PGCKA1: variants seen among roughly 807,000 people sequenced by gnomAD.
The protein encoded by PGCKA1 is PDCD10 and GCKIII kinases-associated protein 1.
At chr4:37,525,068 G>A in the PGCKA1 span, among the ~76,000 whole-genome samples, 1 of 152,178 alleles carries the variant, frequency 6.6e-6, no homozygotes, top group Non-Finnish European at 1.5e-5. Flanking sequence ...TAGAGACAAA[G>A]CAGTTCTTTA....
At chr4:37,513,721 A>G in the PGCKA1 span, among the ~76,000 whole-genome samples, 1 of 152,230 alleles carries the variant, frequency 6.6e-6, no homozygotes, top group African/African-American at 2.4e-5. Context: ...GGTGATTGAG[A>G]TCACAGACTA....
chr4:37,542,470 G>A, the PGCKA1 span, among the ~76,000 whole-genome samples: 3 of 152,356 alleles, frequency 2.0e-5, no homozygotes, highest in South Asian at 2.1e-4. Flanking sequence ...ACCACGGAAT[G>A]TTGTCCTTCG....
the PGCKA1 span, among the ~76,000 whole-genome samples, chr4:37,553,373 T>TG: frequency 4.7e-4 from 64 of 137,162 alleles, no homozygotes; most frequent in Middle Eastern, 3.8e-3. Context: ...GCTGATAAAC[T>TG]TCTTACTTTA....
At chr4:37,471,271 AGT>A in the PGCKA1 span, among the ~76,000 whole-genome samples, 1 of 152,168 alleles carries the variant, frequency 6.6e-6, no homozygotes, top group Non-Finnish European at 1.5e-5. Flanking sequence ...GCCATAGTTG[AGT>A]ATGGTCTGGT....
chr4:37,575,485 A>T, the PGCKA1 span, among the ~76,000 whole-genome samples: 1 of 151,788 alleles, frequency 6.6e-6, no homozygotes, highest in African/African-American at 2.4e-5. Flanking sequence ...AGCTCCTTAC[A>T]TATTTTGGTT....
the PGCKA1 span, among the ~76,000 whole-genome samples, chr4:37,570,065 C>T: frequency 9.8e-4 from 148 of 150,366 alleles, 1 homozygote; most frequent in African/African-American, 3.4e-3. Flanking sequence ...CTGCAAGCTC[C>T]GCCTCCCAGG....
chr4:37,515,736 T>C, the PGCKA1 span, among the ~76,000 whole-genome samples: 1 of 152,226 alleles, frequency 6.6e-6, no homozygotes, highest in Non-Finnish European at 1.5e-5. Flanking sequence ...ATTTCCCTTC[T>C]ACACTGGCAG....
chr4:37,591,122 A>G, the PGCKA1 span: 1 of 766,386 alleles, frequency 1.3e-6, no homozygotes. Context: ...CCAGTTGTTT[A>G]CATCCAGCAT....
At chr4:37,478,092 G>T in the PGCKA1 span, among the ~76,000 whole-genome samples, 6 of 151,602 alleles carry the variant, frequency 4.0e-5, no homozygotes, top group African/African-American at 1.5e-4. Context: ...GTCTTGTATG[G>T]ATTGGAGAAT....
chr4:37,505,900 AAAGCCATC>A, the PGCKA1 span, among the ~76,000 whole-genome samples: 1 of 152,252 alleles, frequency 6.6e-6, no homozygotes, highest in South Asian at 2.1e-4. Context: ...TTACAGTAGT[AAAGCCATC>A]AAGTCCATGG....
At chr4:37,525,749 G>T in the PGCKA1 span, among the ~76,000 whole-genome samples, 76,276 of 151,970 alleles carry the variant, frequency 0.5, 19,985 homozygotes, top group African/African-American at 0.64. Context: ...GGCTTCACTC[G>T]ATGACTATTC....
At chr4:37,527,437 A>C in the PGCKA1 span, among the ~76,000 whole-genome samples, 20 of 152,308 alleles carry the variant, frequency 1.3e-4, no homozygotes, top group African/African-American at 3.8e-4. Flanking sequence ...AGCTCCATTC[A>C]TGGTAAGTGC....
the PGCKA1 span, among the ~76,000 whole-genome samples, chr4:37,484,478 AT>A: frequency 6.6e-6 from 1 of 152,272 alleles, no homozygotes. Flanking sequence ...TCAAGATGAG[AT>A]TTGGGTGAGG....
the PGCKA1 span, chr4:37,584,217 C>G: frequency 6.6e-6 from 1 of 152,226 alleles, no homozygotes; most frequent in African/African-American, 2.4e-5. Flanking sequence ...AGTCCCCACC[C>G]TTTTCGTCAG....
At chr4:37,562,035 AC>A in the PGCKA1 span, among the ~76,000 whole-genome samples, 1 of 152,214 alleles carries the variant, frequency 6.6e-6, no homozygotes, top group Non-Finnish European at 1.5e-5. Flanking sequence ...GACATCACCA[AC>A]AAAAAGCACA....
chr4:37,526,891 C>G, the PGCKA1 span, among the ~76,000 whole-genome samples: 1 of 152,048 alleles, frequency 6.6e-6, no homozygotes, highest in Non-Finnish European at 1.5e-5. Flanking sequence ...GTAAAACAGC[C>G]TCAGGCAGGT....
At chr4:37,453,384 G>A in the PGCKA1 span, among the ~76,000 whole-genome samples, 1 of 152,146 alleles carries the variant, frequency 6.6e-6, no homozygotes, top group African/African-American at 2.4e-5. Flanking sequence ...GGGTGCAGGC[G>A]AGTGTGTGCA....
chr4:37,539,314 C>G, the PGCKA1 span, among the ~76,000 whole-genome samples: 1 of 152,188 alleles, frequency 6.6e-6, no homozygotes, highest in African/African-American at 2.4e-5. Context: ...TGTGGTTCTC[C>G]TGTTCAGCCT....
At chr4:37,513,260 T>C in the PGCKA1 span, among the ~76,000 whole-genome samples, 77,642 of 151,582 alleles carry the variant, frequency 0.51, 20,201 homozygotes, top group African/African-American at 0.6. Context: ...CTTAGCAGCT[T>C]CTAGGTGCTA....
Sources: gnomAD v4.1 joint callset for allele counts (sites outside exome capture counted in the v4.1 genomes callset) on GRCh38, gnomAD v4.1.1 for gene constraint, MANE v1.5 for transcripts, NCBI Gene and HGNC (gene_info 2026-07-23, HGNC 2026-07-21) for gene names.